Variants in IL27RA observed in about 807,000 individuals in gnomAD.
IL27RA encodes interleukin 27 receptor subunit alpha, also known as interleukin-27 receptor subunit alpha.
Under a neutral mutation model 80.8 loss-of-function variants are expected in IL27RA, and 61 were observed. The observed-to-expected ratio is 0.76, with a 90% CI of 0.61 to 0.93. The LOEUF is 0.93. Ranked by LOEUF, IL27RA falls within the 40% of genes least tolerant of loss-of-function variation. The pLI is 0.00. For missense variants in IL27RA, 735 were observed against 808.1 expected (o/e 0.91, Z 1.10); for synonymous variants, 316 against 332.5 (o/e 0.95, Z 0.54).
rs1477522860 is a variant in IL27RA, at chr19:14,039,761, A to G, written c.385A>G (p.Asn129Asp). The G allele has an allele frequency of 3.1e-6, 5 of 1,613,572 alleles. No individual in the cohort carries two copies. The highest frequency in any genetic ancestry group is 3.3e-5 in the Admixed American group (2 of 59,960). ...FVNLETQMKP[N>D]APRLGPDVDF... ...AGTTTCCCCTTCCCCAGTGAAGCCA[A>G]ACGCCCCCCGGCTGGGCCCTGACGT... The change falls in exon 4 of 14, where the codon AAC becomes GAC. Residue 129 changes from asparagine to aspartate, a missense_variant. Transcript: ENST00000263379.
At chr19:14,043,657 C>T (rs574031311) in intron 6 of IL27RA, among the ~76,000 whole-genome samples, 2 of 151,612 alleles carry the variant, frequency 1.3e-5, no homozygotes, top group East Asian at 3.9e-4. Flanking sequence ...AACTCCTGAC[C>T]TCATGATCCA....
chr19:14,046,083 G>T, intron 6 of IL27RA, 71 bp from the exon 7 acceptor site: 1 of 1,412,228 alleles, frequency 7.1e-7, no homozygotes, highest in Non-Finnish European at 9.7e-7. Flanking sequence ...TTTATCAGGT[G>T]ACCTCAGGGA....
rs1976190141 is a variant in IL27RA, at chr19:14,052,405, TGA to T, written c.*117_*118del. On this transcript the variant is annotated 3_prime_UTR_variant, in exon 14 of 14. Coordinates refer to ENST00000263379, the MANE Select transcript of IL27RA (RefSeq NM_004843.4). ...GAAGACACTGAGGACTCAGAGAGGC[TGA>T]GTCACTTACCTGAGGACACCCAGCC... 2.3e-6 allele frequency: 2 copies of T among 861,170 alleles called. No homozygotes were observed. Among genetic ancestry groups the T allele is most frequent in the Admixed American group, 6.8e-5 (2 of 29,228 alleles). The allele number at this position is 861,170 out of a possible 1,614,324, so 53.3% of individuals were successfully genotyped here.
chr19:14,045,768 T>TG (rs202172584), intron 6 of IL27RA, among the ~76,000 whole-genome samples: 2,930 of 152,010 alleles, frequency 0.019, 106 homozygotes, highest in African/African-American at 0.067. Flanking sequence ...CTCACGCCTG[T>TG]AATCCTAGCA....
Position 14,039,609 on chromosome 19 carries a change from G to C in IL27RA, c.320G>C (p.Gly107Ala). Residue 107 changes from glycine (G) to alanine (A), a missense_variant, in exon 3 of 14, where the codon GGC becomes GCC. Physicochemically the swap from Gly to Ala is moderately conservative, Grantham distance 60. Coordinates refer to ENST00000263379, the MANE Select transcript of IL27RA (RefSeq NM_004843.4). The stretch of plus-strand genomic sequence containing the variant: ...ATGTCTGACAAACTCCTTGTCTGGG[G>C]CACTAAGGCAGGCCAGCCTCTCTGG... Reference protein sequence around the residue: ...LTMSDKLLVWGTKAGQPLWPP... With the variant: ...LTMSDKLLVWATKAGQPLWPP... The C allele has an allele frequency of 6.2e-7, 1 of 1,614,148 alleles. No individual in the cohort carries two copies. The highest frequency in any genetic ancestry group is 8.5e-7 in the Non-Finnish European group (1 of 1,180,042).
intron 1 of IL27RA, 44 bp downstream of exon 1, chr19:14,032,016 C>T (rs942405854): frequency 6.6e-7 from 1 of 1,525,616 alleles, no homozygotes; most frequent in African/African-American, 1.4e-5. Flanking sequence ...TGCCGCTGCG[C>T]TCCCCGCGAA....
Position 14,052,323 on chromosome 19 carries a change from C to A in IL27RA, c.*33C>A, listed in dbSNP as rs757577780. The A allele has an allele frequency of 4.3e-4, 615 of 1,439,898 alleles. No individual in the cohort carries two copies. Among genetic ancestry groups the A allele is most frequent in the Non-Finnish European group, 5.4e-4 (583 of 1,089,278 alleles). 89.2% of individuals were successfully genotyped at this position (1,439,898 alleles called of 1,614,324 possible). ...GTCTGGCTGGGGGCTGCCAGCCAGGCTAGAGGGATGCTCATGCAGGTTGCA... is the reference window on the plus strand; with the variant it reads ...GTCTGGCTGGGGGCTGCCAGCCAGGATAGAGGGATGCTCATGCAGGTTGCA... On this transcript the variant is annotated 3_prime_UTR_variant, in exon 14 of 14. Transcript: ENST00000263379.
At chr19:14,048,786 G>T (rs966427495) in intron 8 of IL27RA, among the ~76,000 whole-genome samples, 195 bp from the exon 9 acceptor site, 4 of 152,168 alleles carry the variant, frequency 2.6e-5, no homozygotes, top group African/African-American at 9.7e-5. Context: ...GTTGTCCACA[G>T]TGAGAACCTG....
At chr19:14,044,985 C>T (rs573760923) in intron 6 of IL27RA, among the ~76,000 whole-genome samples, 22 of 151,330 alleles carry the variant, frequency 1.5e-4, no homozygotes, top group African/African-American at 2.2e-4. Flanking sequence ...ATTAGCCGGG[C>T]GTGGTGGCAG....
At chr19:14,050,156 A>G (rs1490966319) in intron 10 of IL27RA, among the ~76,000 whole-genome samples, 1 of 150,904 alleles carries the variant, frequency 6.6e-6, no homozygotes, top group Non-Finnish European at 1.5e-5. Context: ...TGCAAAGACA[A>G]ACTAAATAAT....
Position 14,049,195 on chromosome 19 carries a change from C to T in IL27RA, c.1283C>T (p.Ala428Val), listed in dbSNP as rs1441391103. Reference protein sequence around the residue: ...VGPTLWRLQDAPPGTPAIAWG... With the variant: ...VGPTLWRLQDVPPGTPAIAWG... ...CCAACGCTTTGGCGACTCCAAGATGCCCCTCCAGGGACCCCCGCCATAGCG... is the reference window on the plus strand; with the variant it reads ...CCAACGCTTTGGCGACTCCAAGATGTCCCTCCAGGGACCCCCGCCATAGCG... The change falls in exon 10 of 14, where the codon GCC (alanine) becomes GTC (valine). Residue 428 changes from alanine to valine, a missense_variant. Transcript: ENST00000263379. 6.2e-7 allele frequency: 1 copy of T among 1,614,158 alleles called. No individual in the cohort carries two copies. The highest frequency in any genetic ancestry group is 8.5e-7 in the Non-Finnish European group (1 of 1,180,006).
intron 4 of IL27RA, among the ~76,000 whole-genome samples, chr19:14,041,798 C>T (rs988254355): frequency 6.6e-6 from 1 of 152,090 alleles, no homozygotes; most frequent in African/African-American, 2.4e-5. Context: ...ACCAGCTAGG[C>T]GCAGTAGCTC....
Position 14,042,060 on chromosome 19 carries a change from A to AT in IL27RA, c.535-392dup, listed in dbSNP as rs1975995999. Among the ~76,000 whole-genome samples the AT allele has an allele frequency of 5.3e-5, 8 of 152,230 alleles. 1 individual carries two copies. In the South Asian group the frequency reaches 1.7e-3, roughly 32 times the overall value. The stretch of plus-strand genomic sequence containing the variant: ...CTAAAATACAAAAAATTAGCTGGGC[A>AT]TGGTGGCGCGTGCCTGTAATCCCAG... On this transcript the variant is annotated intron_variant, in intron 4 of 13. Transcript: ENST00000263379.
chr19:14,051,553 TAAAAA>T, intron 11 of IL27RA, 49 bp from the exon 12 acceptor site: 2 of 1,065,552 alleles, frequency 1.9e-6, no homozygotes, highest in Non-Finnish European at 2.6e-6. Flanking sequence ...AAAATAAAAA[TAAAAA>T]ATAAAATAAA....
At position 14,046,592 on chromosome 19, in the gene IL27RA, CT is replaced by C; in HGVS notation, c.1116del (p.Asn374ThrfsTer20). On this transcript the variant is annotated frameshift_variant, in exon 8 of 14. Coordinates refer to ENST00000263379, the MANE Select transcript of IL27RA (RefSeq NM_004843.4). LOFTEE classifies it high-confidence loss of function. ...LEKLNWVRLP[P>X]GNLSALLPGN... Reference sequence around the variant, plus strand: ...AAACTCAACTGGGTCCGGCTTCCCCCTGGGAACCTCAGTGCTCTGTTACCAG... The same window carrying C: ...AAACTCAACTGGGTCCGGCTTCCCCCGGGAACCTCAGTGCTCTGTTACCAG... 5 of 1,610,464 alleles carry C rather than the reference CT, an allele frequency of 3.1e-6. No homozygotes were observed. The highest frequency in any genetic ancestry group is 1.7e-4 in the Middle Eastern group (1 of 5,990).
intron 8 of IL27RA, 82 bp from the exon 9 acceptor site, chr19:14,048,898 TG>T: frequency 8.4e-7 from 1 of 1,192,950 alleles, no homozygotes; most frequent in Non-Finnish European, 1.2e-6. Flanking sequence ...GGTGTCCTTC[TG>T]GGGACCCCAG....
chr19:14,032,757 G>A (rs1350271855), intron 2 of IL27RA, among the ~76,000 whole-genome samples: 1 of 136,894 alleles, frequency 7.3e-6, no homozygotes, highest in Non-Finnish European at 1.5e-5. Context: ...AGTAAGCCCA[G>A]ATCTCGCCAC....
Position 14,042,527 on chromosome 19 carries a change from A to C in IL27RA, c.609A>C (p.Lys203Asn). The C allele has an allele frequency of 2.5e-6, 4 of 1,614,182 alleles. No individual in the cohort carries two copies. Among genetic ancestry groups the C allele is most frequent in the Middle Eastern group, 3.3e-4 (2 of 6,062 alleles). ...IQDLELATGY[K>N]VYGRCRMEKE... is the part of the protein sequence containing the mutation. The stretch of plus-strand genomic sequence containing the variant: ...ATTTGGAGCTAGCCACTGGCTACAA[A>C]GTGTATGGCCGCTGCCGGATGGAGA... The change falls in exon 5 of 14, where the codon AAA becomes AAC. Residue 203 changes from lysine to asparagine, a missense_variant. Physicochemically the swap from Lys to Asn is moderately conservative, Grantham distance 94 (BLOSUM62 0). Transcript: ENST00000263379.
intron 2 of IL27RA, among the ~76,000 whole-genome samples, chr19:14,039,023 G>T (rs1975948242): frequency 6.6e-6 from 1 of 152,052 alleles, no homozygotes; most frequent in African/African-American, 2.4e-5. Flanking sequence ...GGTGGCTCAT[G>T]CCTGTAATCT....
Sources: gnomAD v4.1 joint callset for allele counts (sites outside exome capture counted in the v4.1 genomes callset) on GRCh38, gnomAD v4.1.1 for gene constraint, MANE v1.5 for transcripts, NCBI Gene and HGNC (gene_info 2026-07-23, HGNC 2026-07-21) for gene names.